The following PLPP4 variants were observed in gnomAD, a reference collection of about 807,000 sequenced individuals.
PLPP4 encodes the protein diacylglycerol pyrophosphate like 2.
In PLPP4, 20 loss-of-function variants were observed where a neutral mutation model predicts 32.2. That is an observed-to-expected ratio of 0.62 (90% CI 0.44 to 0.90). PLPP4 has a LOEUF of 0.90. Among genes scored for constraint, PLPP4 ranks in the 40% least tolerant of loss-of-function variants. PLPP4 has a pLI of 0.00. For missense variants in PLPP4, 257 were observed against 353.1 expected (o/e 0.73, Z 2.18); for synonymous variants, 127 against 133.0 (o/e 0.95, Z 0.31).
At chr10:120,507,347 A>T (rs1029923577) in intron 2 of PLPP4, among the ~76,000 whole-genome samples, 20 of 90,156 alleles carry the variant, frequency 2.2e-4, no homozygotes, top group African/African-American at 4.1e-4. Flanking sequence ...GAAGTTCTTC[A>T]TCATCATCAT....
intron 6 of PLPP4, among the ~76,000 whole-genome samples, chr10:120,588,226 A>T (rs555955660): frequency 1.3e-5 from 2 of 152,386 alleles, no homozygotes; most frequent in South Asian, 4.1e-4. Context: ...GTGAACACAC[A>T]CACAGATACT....
At chr10:120,582,043 C>T (rs1447831355) in intron 6 of PLPP4, among the ~76,000 whole-genome samples, 3 of 152,128 alleles carry the variant, frequency 2.0e-5, no homozygotes, top group Non-Finnish European at 4.4e-5. Flanking sequence ...AGTTTGCTGG[C>T]GTCTGCACTA....
rs149268601 is a variant in PLPP4, at chr10:120,585,375, C to T, written c.617-3928C>T. Reference sequence around the variant, plus strand: ...TTTAAGTTCCTTAGAAGTTTATTTACGATGCTATGAAAATGTAGCCATGCC... The same window carrying T: ...TTTAAGTTCCTTAGAAGTTTATTTATGATGCTATGAAAATGTAGCCATGCC... On this transcript the variant is annotated intron_variant, in intron 6 of 6. Coordinates refer to ENST00000398250, the MANE Select transcript of PLPP4 (RefSeq NM_001030059.3). 4.7e-3 allele frequency among the ~76,000 whole-genome samples: 712 copies of T among 152,216 alleles called. 12 individuals carry two copies. Among genetic ancestry groups the T allele is most frequent in the African/African-American group, 0.016 (667 of 41,526 alleles).
Position 120,498,661 on chromosome 10 carries a change from T to A in PLPP4, c.57-5157T>A. On this transcript the variant is annotated intron_variant, in intron 1 of 6. Transcript: ENST00000398250. ...CACACCAGCTCTTCTATTCTTTTTT[T>A]TTTTTTCTTTTTTTTTTGAGATGGA... is the stretch of plus-strand genomic sequence containing the variant. Among the ~76,000 whole-genome samples, 4 of 151,976 alleles carry A rather than the reference T, an allele frequency of 2.6e-5. No individual in the cohort carries two copies. In the South Asian group the frequency reaches 8.3e-4, roughly 32 times the overall value.
At chr10:120,530,128 T>A (rs1404430501) in intron 5 of PLPP4, among the ~76,000 whole-genome samples, 1 of 152,230 alleles carries the variant, frequency 6.6e-6, no homozygotes, top group East Asian at 1.9e-4. Context: ...TGATGATGAT[T>A]CTTAAAGTTA....
At chr10:120,463,976 C>G (rs550097940) in intron 1 of PLPP4, among the ~76,000 whole-genome samples, 9 of 152,210 alleles carry the variant, frequency 5.9e-5, no homozygotes, top group Admixed American at 5.9e-4. Context: ...TCGCAGCCAG[C>G]TATTTTATTT....
At chr10:120,492,508 G>C (rs770274397) in intron 1 of PLPP4, among the ~76,000 whole-genome samples, 9 of 152,206 alleles carry the variant, frequency 5.9e-5, no homozygotes, top group Non-Finnish European at 1.2e-4. Context: ...GGGAAGCACA[G>C]AACAGCCTGG....
At chr10:120,472,482 T>C (rs1200948024) in intron 1 of PLPP4, among the ~76,000 whole-genome samples, 2 of 152,144 alleles carry the variant, frequency 1.3e-5, no homozygotes, top group African/African-American at 4.8e-5. Flanking sequence ...ATGAATGTAA[T>C]GTGTTTTTGC....
intron 5 of PLPP4, among the ~76,000 whole-genome samples, chr10:120,537,038 A>G (rs934275378): frequency 1.3e-5 from 2 of 152,202 alleles, no homozygotes; most frequent in Non-Finnish European, 2.9e-5. Context: ...GACAAGAGAT[A>G]ATAAATGTTG....
intron 1 of PLPP4, among the ~76,000 whole-genome samples, chr10:120,476,207 C>T (rs956052734): frequency 6.6e-6 from 1 of 152,238 alleles, no homozygotes; most frequent in Admixed American, 6.5e-5. Context: ...CTGGGGCCAG[C>T]TGTGCCCCCT....
chr10:120,503,701 C>G (rs1336893816), intron 1 of PLPP4, 117 bp from the exon 2 acceptor site: 1 of 1,589,720 alleles, frequency 6.3e-7, no homozygotes, highest in East Asian at 2.3e-5. Context: ...TGTCTCTTTC[C>G]CCTTCCCCAG....
chr10:120,499,177 T>A (rs1845115936), intron 1 of PLPP4, among the ~76,000 whole-genome samples: 1 of 152,216 alleles, frequency 6.6e-6, no homozygotes, highest in Non-Finnish European at 1.5e-5. Flanking sequence ...AGGACGTCTG[T>A]CATTATGCTG....
At chr10:120,549,081 G>A (rs1847766425) in intron 5 of PLPP4, among the ~76,000 whole-genome samples, 1 of 150,424 alleles carries the variant, frequency 6.6e-6, no homozygotes, top group South Asian at 2.2e-4. Flanking sequence ...TACTGAACTT[G>A]CCATTATTAT....
intron 2 of PLPP4, among the ~76,000 whole-genome samples, chr10:120,509,230 C>T (rs573793972): frequency 1.3e-5 from 2 of 152,282 alleles, no homozygotes; most frequent in South Asian, 2.1e-4. Flanking sequence ...TAATACTTGC[C>T]ATGGATATTA....
chr10:120,495,798 C>T (rs1259253720), intron 1 of PLPP4, among the ~76,000 whole-genome samples: 1 of 152,198 alleles, frequency 6.6e-6, no homozygotes, highest in African/African-American at 2.4e-5. Context: ...GAAGGTGGGG[C>T]AGCCTTCTCA....
intron 1 of PLPP4, among the ~76,000 whole-genome samples, chr10:120,485,169 A>G (rs1195223407): frequency 2.0e-5 from 3 of 152,208 alleles, no homozygotes; most frequent in South Asian, 4.1e-4. Flanking sequence ...TAAAGCCACT[A>G]TGTTTGTAGT....
intron 6 of PLPP4, among the ~76,000 whole-genome samples, chr10:120,580,667 ACACACACACAC>A (rs1849458452): frequency 1.4e-5 from 2 of 144,580 alleles, no homozygotes; most frequent in Admixed American, 7.0e-5. Flanking sequence ...ACACACACAC[ACACACACACAC>A]ACGGCTGAGG....
intron 6 of PLPP4, among the ~76,000 whole-genome samples, chr10:120,588,358 C>T (rs1269437022): frequency 3.9e-5 from 6 of 152,146 alleles, no homozygotes; most frequent in East Asian, 3.9e-4. Context: ...GATGCACCCC[C>T]CTGCCTCACC....
In PLPP4 at chr10:120,589,430, G is replaced by T; in HGVS notation, c.744G>T (p.Lys248Asn). ...GTCTGCGAGTCCCAGCCTCACTGAA[G>T]AAAGAGGAGAGGCCCACAGCTGACA... ...YVSLRVPASL[K>N]KEERPTADSA... The change falls in exon 7 of 7, where the codon AAG becomes AAT. Residue 248 changes from lysine (K) to asparagine (N), a missense_variant. Coordinates refer to ENST00000398250, the MANE Select transcript of PLPP4 (RefSeq NM_001030059.3). 1 of 1,614,102 alleles carries T rather than the reference G, an allele frequency of 6.2e-7. No homozygotes were observed. Among genetic ancestry groups the T allele is most frequent in the Non-Finnish European group, 8.5e-7 (1 of 1,179,976 alleles).
Sources: gnomAD v4.1 joint callset for allele counts (sites outside exome capture counted in the v4.1 genomes callset) on GRCh38, gnomAD v4.1.1 for gene constraint, MANE v1.5 for transcripts, NCBI Gene and HGNC (gene_info 2026-07-23, HGNC 2026-07-21) for gene names.